Variants in SRGAP3 observed in about 807,000 individuals in gnomAD.
SRGAP3 encodes SLIT-ROBO Rho GTPase-activating protein 3.
A neutral mutation model predicts 121.1 loss-of-function variants in SRGAP3; 39 were observed. The observed-to-expected ratio is 0.32, with a 90% confidence interval of 0.25 to 0.42. The LOEUF is 0.42. Among genes scored for constraint, SRGAP3 ranks in the 10% least tolerant of loss-of-function variants. The pLI is 1.00. For missense variants in SRGAP3, 1,213 were observed against 1,470.6 expected, an observed-to-expected ratio of 0.82 and a Z score of 2.86; for synonymous variants, 601 against 570.0, an observed-to-expected ratio of 1.05 and a Z score of -0.77.
chr3:9,047,061 T>C (rs1945323238), intron 10 of SRGAP3, among the ~76,000 whole-genome samples: 1 of 152,188 alleles, frequency 6.6e-6, no homozygotes, highest in Non-Finnish European at 1.5e-5. Context: ...CTCGATCTCC[T>C]GACCTCGTGA....
At chr3:9,302,063 G>A (rs1011351264) in intron 3 of SRGAP3, among the ~76,000 whole-genome samples, 1 of 152,194 alleles carries the variant, frequency 6.6e-6, no homozygotes, top group African/African-American at 2.4e-5. Flanking sequence ...TGCTTATCAT[G>A]TGCTTACAAC....
chr3:9,336,362 C>T (rs1438381886), intron 1 of SRGAP3, among the ~76,000 whole-genome samples: 2 of 152,100 alleles, frequency 1.3e-5, no homozygotes, highest in African/African-American at 4.8e-5. Flanking sequence ...ACTATATGCA[C>T]ACACCACTGT....
intron 11 of SRGAP3, 176 bp downstream of exon 11, chr3:9,037,887 T>C (rs1944835026): frequency 1.2e-6 from 1 of 821,848 alleles, no homozygotes; most frequent in Non-Finnish European, 2.0e-6. Context: ...GTCAGTCTAA[T>C]GCTAGAACAA....
intron 18 of SRGAP3, among the ~76,000 whole-genome samples, chr3:8,997,878 G>T (rs370202759): frequency 1.3e-5 from 2 of 148,788 alleles, no homozygotes; most frequent in Admixed American, 6.7e-5. Context: ...ATTCATAGAG[G>T]TTTTTTTTTT....
At chr3:9,190,565 A>AT (rs1329382354) in intron 1 of SRGAP3, among the ~76,000 whole-genome samples, 1 of 152,190 alleles carries the variant, frequency 6.6e-6, no homozygotes, top group Non-Finnish European at 1.5e-5. Context: ...CCATCGATGT[A>AT]TTTATAGGCT....
chr3:9,326,499 G>C (rs1955521446), intron 2 of SRGAP3, among the ~76,000 whole-genome samples: 1 of 151,722 alleles, frequency 6.6e-6, no homozygotes, highest in African/African-American at 2.4e-5. Flanking sequence ...TCCATGGCGA[G>C]TCATGGAATG....
intron 1 of SRGAP3, among the ~76,000 whole-genome samples, chr3:9,173,223 A>G (rs1207598337): frequency 1.3e-5 from 2 of 152,216 alleles, no homozygotes; most frequent in Non-Finnish European, 2.9e-5. Flanking sequence ...AGCACTGCAC[A>G]CAGATGTTTG....
upstream of SRGAP3, among the ~76,000 whole-genome samples, chr3:9,251,077 G>C (rs1454078812): frequency 1.3e-5 from 2 of 152,178 alleles, no homozygotes; most frequent in African/African-American, 4.8e-5. Flanking sequence ...ATCCATGCTA[G>C]TCCATCAAGG....
chr3:9,018,279 G>A (rs1337269732), intron 14 of SRGAP3, among the ~76,000 whole-genome samples: 1 of 152,158 alleles, frequency 6.6e-6, no homozygotes, highest in South Asian at 2.1e-4. Context: ...GGTTGCTTCC[G>A]TATCTTTGCT....
intron 1 of SRGAP3, among the ~76,000 whole-genome samples, chr3:9,178,137 G>A (rs372823175): frequency 1.3e-4 from 20 of 152,210 alleles, no homozygotes; most frequent in East Asian, 5.8e-4. Context: ...GCATGGTGGC[G>A]CATGCCTGTA....
At chr3:9,044,979 A>G (rs1945190616) in intron 10 of SRGAP3, among the ~76,000 whole-genome samples, 1 of 152,198 alleles carries the variant, frequency 6.6e-6, no homozygotes, top group African/African-American at 2.4e-5. Flanking sequence ...ATTTGGTCTC[A>G]ATTTATTCAG....
chr3:9,031,925 T>C (rs1410078378), intron 12 of SRGAP3, among the ~76,000 whole-genome samples: 1 of 152,208 alleles, frequency 6.6e-6, no homozygotes, highest in Non-Finnish European at 1.5e-5. Context: ...TGCTCTTCGC[T>C]TCTCCATCTT....
At chr3:9,020,995 G>A (rs951955605) in intron 14 of SRGAP3, among the ~76,000 whole-genome samples, 1 of 152,260 alleles carries the variant, frequency 6.6e-6, no homozygotes, top group African/African-American at 2.4e-5. Context: ...AGCACACAGT[G>A]TGTGCTTAAA....
At chr3:9,285,157 C>G (rs1954746241) in intron 3 of SRGAP3, among the ~76,000 whole-genome samples, 4 of 152,098 alleles carry the variant, frequency 2.6e-5, no homozygotes, top group Admixed American at 2.6e-4. Flanking sequence ...CTGGCAATTC[C>G]CAACAAAACC....
chr3:9,356,811 G>C (rs2030541316), intron 1 of SRGAP3, among the ~76,000 whole-genome samples: 1 of 152,010 alleles, frequency 6.6e-6, no homozygotes, highest in African/African-American at 2.4e-5. Flanking sequence ...CCCAGCCTGG[G>C]ACATGATTTT....
chr3:9,255,257 C>T (rs1243270654), intron 3 of SRGAP3, among the ~76,000 whole-genome samples: 3 of 152,194 alleles, frequency 2.0e-5, no homozygotes, highest in Non-Finnish European at 4.4e-5. Context: ...TAGATATAAA[C>T]AGCAGCTCAC....
chr3:8,994,646 C>G, intron 18 of SRGAP3, 123 bp from the exon 19 acceptor site: 2 of 1,290,952 alleles, frequency 1.5e-6, no homozygotes, highest in Non-Finnish European at 2.2e-6. Flanking sequence ...AGAACATGGA[C>G]AGAACGCCTG....
chr3:8,985,600 G>A lies in SRGAP3; in HGVS notation c.3219C>T (p.Ser1073=). ...VVQHRSSSSS[S]SGVGSPAVTP... ...TCACGGCCGGGCTGCCCACGCCCGA[G>A]CTGCTGCTGCTGCTGGACCGGTGCT... Residue 1073 remains serine, a synonymous_variant, in exon 22 of 22, where the codon AGC becomes AGT. Coordinates refer to ENST00000383836, the MANE Select transcript of SRGAP3 (RefSeq NM_014850.4). This position sits in a 1 kb window ranked among gnomAD's most constrained non-coding sequence, Gnocchi z 5.1. The A allele has an allele frequency of 6.3e-7, 1 of 1,583,908 alleles. No homozygotes were observed. The highest frequency in any genetic ancestry group is 8.5e-7 in the Non-Finnish European group (1 of 1,171,284).
At chr3:9,024,342 G>A (rs887187459) in intron 14 of SRGAP3, among the ~76,000 whole-genome samples, 2 of 152,230 alleles carry the variant, frequency 1.3e-5, no homozygotes, top group Admixed American at 1.3e-4. Context: ...CCCCTGGGAT[G>A]AGGTTATGGT....
Sources: gnomAD v4.1 joint callset for allele counts (sites outside exome capture counted in the v4.1 genomes callset) on GRCh38, gnomAD v4.1.1 for gene constraint, Gnocchi (gnomAD v3.1) non-coding constraint, MANE v1.5 for transcripts, NCBI Gene and HGNC (gene_info 2026-07-23, HGNC 2026-07-21) for gene names.